NALF1: variants seen among roughly 807,000 people sequenced by gnomAD.
NALF1 encodes the protein NALCN channel auxiliary factor 1, also known as family with sequence similarity 155 member A.
NALF1 carries 3 observed loss-of-function variants against 48.4 expected under a neutral mutation model. That is an observed-to-expected ratio of 0.06 (90% CI 0.03 to 0.16). NALF1 has a LOEUF of 0.16. Among genes scored for constraint, NALF1 ranks in the 10% least tolerant of loss-of-function variants. The pLI is 1.00. For synonymous variants in NALF1, 262 were observed against 245.7 expected (o/e 1.07, Z -0.62); for missense variants, 526 against 571.5 (o/e 0.92, Z 0.81).
chr13:107,325,855 CATATATATATATAT>C lies in NALF1; in HGVS notation c.916-115114_916-115101del, dbSNP rs1228535140. Among the ~76,000 whole-genome samples, 34 of 54,056 alleles carry C rather than the reference CATATATATATATAT, an allele frequency of 6.3e-4. 1 individual carries two copies. The South Asian group carries it at 0.038, about 60-fold the overall frequency. 35.5% of individuals were successfully genotyped at this position (54,056 alleles called of 152,430 possible). On this transcript the variant is annotated intron_variant, in intron 1 of 2. Transcript: ENST00000375915. ...AACTGTGTCTCAACACACACACACA[CATATATATATATAT>C]ATATATATATATATATATACACACA...
chr13:107,603,476 T>C (rs1878987431), intron 1 of NALF1, among the ~76,000 whole-genome samples: 2 of 152,200 alleles, frequency 1.3e-5, no homozygotes, highest in Non-Finnish European at 2.9e-5. Flanking sequence ...AACATGCACA[T>C]AGTACAGTCT....
chr13:107,443,169 A>ATCTATCTATCT (rs1555301322), intron 1 of NALF1, among the ~76,000 whole-genome samples: 8 of 128,428 alleles, frequency 6.2e-5, no homozygotes, highest in South Asian at 2.6e-4. Flanking sequence ...TTTATCTAAC[A>ATCTATCTATCT]ATCTATCTAT....
At chr13:107,705,720 G>A (rs1407978478) in intron 1 of NALF1, among the ~76,000 whole-genome samples, 5 of 151,996 alleles carry the variant, frequency 3.3e-5, no homozygotes, top group African/African-American at 1.2e-4. Flanking sequence ...AAAAAACAGG[G>A]TGAATTAGCT....
chr13:107,276,728 A>C, intron 1 of NALF1, among the ~76,000 whole-genome samples: 1 of 152,194 alleles, frequency 6.6e-6, no homozygotes, highest in East Asian at 1.9e-4. Context: ...CCCATCTGAC[A>C]AGGGATTAAT....
At chr13:107,238,264 A>G (rs150076853) in intron 1 of NALF1, among the ~76,000 whole-genome samples, 1 of 152,344 alleles carries the variant, frequency 6.6e-6, no homozygotes, top group Non-Finnish European at 1.5e-5. Flanking sequence ...GTCTTAGACA[A>G]ATCATTTAAA....
chr13:107,254,062 A>AAT (rs752603846), intron 1 of NALF1, among the ~76,000 whole-genome samples: 4,433 of 138,638 alleles, frequency 0.032, 235 homozygotes, highest in Non-Finnish European at 0.043. Flanking sequence ...CAAGTACTAA[A>AAT]ATATATATAT....
chr13:107,262,769 G>GCTCTCTCTCTCTCTCTCTCT lies in NALF1; in HGVS notation c.916-52034_916-52015dup, dbSNP rs1555329321. Among the ~76,000 whole-genome samples the GCTCTCTCTCTCTCTCTCTCT allele has an allele frequency of 1.2e-3, 175 of 144,098 alleles. 1 individual carries two copies. Among genetic ancestry groups the GCTCTCTCTCTCTCTCTCTCT allele is most frequent in the Middle Eastern group, 7.0e-3 (2 of 286 alleles). 94.5% of individuals were successfully genotyped at this position (144,098 alleles called of 152,430 possible). A position where few individuals can be genotyped will look rare whatever the true frequency, so the allele number is the denominator to read the frequency against. ...ATATTAAGTTGCATAACCCACAGGC[G>GCTCTCTCTCTCTCTCTCTCT]CTCTCTCTCTCTCTCTCTCTCTCTC... On this transcript the variant is annotated intron_variant, in intron 1 of 2. Coordinates refer to ENST00000375915, the MANE Select transcript of NALF1 (RefSeq NM_001080396.3).
intron 1 of NALF1, among the ~76,000 whole-genome samples, chr13:107,303,169 G>C (rs115761869): frequency 6.6e-6 from 1 of 151,938 alleles, no homozygotes; most frequent in African/African-American, 2.4e-5. Flanking sequence ...TCATGTGTTT[G>C]TTGGCCATTT....
intron 1 of NALF1, among the ~76,000 whole-genome samples, chr13:107,449,205 T>C (rs530276989): frequency 2.2e-4 from 33 of 151,920 alleles, no homozygotes; most frequent in Admixed American, 1.6e-3. Flanking sequence ...GATCATGCTA[T>C]TGCACTCCAG....
intron 1 of NALF1, among the ~76,000 whole-genome samples, chr13:107,412,350 T>A (rs750066772): frequency 2.0e-4 from 30 of 152,136 alleles, no homozygotes; most frequent in Non-Finnish European, 3.1e-4. Context: ...GTAATTTTTT[T>A]AAAAAATTGC....
rs565332813 is a variant in NALF1, at chr13:107,288,721, C to T, written c.916-77966G>A. ...TAATTTTTTCTAGTTTTAGTAGAGT[C>T]GGGGTTTCGCCATGTTGGTCAGGCT... On this transcript the variant is annotated intron_variant, in intron 1 of 2. Coordinates refer to ENST00000375915, the MANE Select transcript of NALF1 (RefSeq NM_001080396.3). Among the ~76,000 whole-genome samples the T allele has an allele frequency of 7.9e-5, 12 of 151,324 alleles. No homozygotes were observed. In the South Asian group the frequency reaches 2.3e-3, roughly 29 times the overall value.
intron 1 of NALF1, among the ~76,000 whole-genome samples, chr13:107,517,768 A>T (rs1240364173): frequency 6.6e-6 from 1 of 152,140 alleles, no homozygotes. Flanking sequence ...CAGCCTGGCC[A>T]ATGTGGCGAA....
rs143939053 is a variant in NALF1 at position 107,502,503 on chromosome 13, A to G, written c.916-291748T>C. Among the ~76,000 whole-genome samples, 31 of 152,320 alleles carry G rather than the reference A, an allele frequency of 2.0e-4. No homozygotes were observed. In the East Asian group the frequency reaches 5.0e-3, roughly 25 times the overall value. ...GAGCTATGATGGCCTTGATGAGAAT[A>G]TACCTCCATGGAAACCACCTGTTCC... On this transcript the variant is annotated intron_variant, in intron 1 of 2. Transcript: ENST00000375915.
At chr13:107,797,301 G>T (rs1413752128) in intron 1 of NALF1, among the ~76,000 whole-genome samples, 1 of 152,148 alleles carries the variant, frequency 6.6e-6, no homozygotes, top group African/African-American at 2.4e-5. Flanking sequence ...TGCTTCCCGG[G>T]TTCATGCCAT....
At chr13:107,369,263 G>A (rs1319024168) in intron 1 of NALF1, among the ~76,000 whole-genome samples, 2 of 152,178 alleles carry the variant, frequency 1.3e-5, no homozygotes, top group South Asian at 2.1e-4. Context: ...AATATATGAA[G>A]TATAATAGTT....
rs528585727 is a variant in NALF1, at chr13:107,388,949, A to T, written c.916-178194T>A. 7.2e-5 allele frequency among the ~76,000 whole-genome samples: 11 copies of T among 152,320 alleles called. 1 individual carries two copies. The highest frequency in any genetic ancestry group is 2.2e-4 in the African/African-American group (9 of 41,578). On this transcript the variant is annotated intron_variant, in intron 1 of 2. Coordinates refer to ENST00000375915, the MANE Select transcript of NALF1 (RefSeq NM_001080396.3). ...TATTTCTAAACCTGCTATAACTTGT[A>T]AATATCTTTAAAATGTCACTTCCCA... is the stretch of plus-strand genomic sequence containing the variant.
intron 1 of NALF1, among the ~76,000 whole-genome samples, chr13:107,726,091 T>C (rs550162210): frequency 1.2e-3 from 190 of 152,322 alleles, no homozygotes; most frequent in African/African-American, 4.4e-3. Flanking sequence ...CCTATTTCTC[T>C]GTCATCTAGG....
chr13:107,250,445 C>T (rs1006819918), intron 1 of NALF1, among the ~76,000 whole-genome samples: 4 of 151,782 alleles, frequency 2.6e-5, no homozygotes, highest in Non-Finnish European at 5.9e-5. Flanking sequence ...TAGAGAAGAG[C>T]CTGCCAAAAG....
At chr13:107,739,271 C>T (rs891044749) in intron 1 of NALF1, among the ~76,000 whole-genome samples, 1 of 151,756 alleles carries the variant, frequency 6.6e-6, no homozygotes, top group African/African-American at 2.4e-5. Flanking sequence ...CACATGTATA[C>T]CTGTGTAACA....
Sources: gnomAD v4.1 joint callset for allele counts (sites outside exome capture counted in the v4.1 genomes callset) on GRCh38, gnomAD v4.1.1 for gene constraint, MANE v1.5 for transcripts, NCBI Gene and HGNC (gene_info 2026-07-23, HGNC 2026-07-21) for gene names.